AGAP1: variants seen among roughly 807,000 people sequenced by gnomAD.
The protein encoded by AGAP1 is arf-GAP with GTPase, ANK repeat and PH domain-containing protein 1.
A neutral mutation model predicts 105.3 loss-of-function variants in AGAP1; 29 were observed. The observed-to-expected ratio is 0.28, with a 90% CI of 0.21 to 0.38. The LOEUF is 0.38. Among genes scored for constraint, AGAP1 ranks in the 10% least tolerant of loss-of-function variants. AGAP1 has a pLI of 1.00. For synonymous variants in AGAP1, 509 were observed against 485.9 expected (o/e 1.05, Z -0.63); for missense variants, 998 against 1,165.1 (o/e 0.86, Z 2.09).
At chr2:235,952,554 T>G (rs985292935) in intron 12 of AGAP1, among the ~76,000 whole-genome samples, 2 of 152,164 alleles carry the variant, frequency 1.3e-5, no homozygotes, top group Admixed American at 1.3e-4. Flanking sequence ...CAGTATAGAA[T>G]TAGGATTGGA....
chr2:235,836,320 A>G (rs1222849557), intron 9 of AGAP1, among the ~76,000 whole-genome samples: 4 of 152,212 alleles, frequency 2.6e-5, no homozygotes, highest in African/African-American at 9.6e-5. Flanking sequence ...TAATACTCAA[A>G]TTAGAGCACT....
intron 1 of AGAP1, among the ~76,000 whole-genome samples, chr2:235,682,467 C>G (rs1046758260): frequency 6.6e-6 from 1 of 151,944 alleles, no homozygotes; most frequent in African/African-American, 2.4e-5. Context: ...CTCAGCCTCT[C>G]GAGTAGCTGG....
intron 1 of AGAP1, among the ~76,000 whole-genome samples, chr2:235,658,238 CCTT>C (rs1326243925): frequency 8.5e-5 from 13 of 152,202 alleles, no homozygotes; most frequent in African/African-American, 2.9e-4. Flanking sequence ...TTTGTGCATA[CCTT>C]CTTCTATTAG....
At position 235,789,092 on chromosome 2, in the gene AGAP1, G is replaced by A. The variant is rs914521561; in HGVS notation, c.674-8667G>A. Reference sequence around the variant, plus strand: ...GGAAGGGATGTGTGTTTCCTGCAGCGTGATTTGAAGTCCCCTTTACCACAA... The same window carrying A: ...GGAAGGGATGTGTGTTTCCTGCAGCATGATTTGAAGTCCCCTTTACCACAA... On this transcript the variant is annotated intron_variant, in intron 6 of 17. Transcript: ENST00000304032. This position sits in a 1 kb window ranked among gnomAD's most constrained non-coding sequence, Gnocchi z 4.2. Among the ~76,000 whole-genome samples the A allele has an allele frequency of 2.0e-5, 3 of 152,324 alleles. No individual in the cohort carries two copies. Among genetic ancestry groups the A allele is most frequent in the East Asian group, 1.9e-4 (1 of 5,186 alleles).
At chr2:236,043,024 G>A (rs2057601287) in intron 15 of AGAP1, among the ~76,000 whole-genome samples, 2 of 152,210 alleles carry the variant, frequency 1.3e-5, no homozygotes, top group South Asian at 4.1e-4. Flanking sequence ...AAGTCCCAAA[G>A]CAGGATTCAA....
At chr2:235,978,622 CTG>C (rs1387439312) in intron 13 of AGAP1, among the ~76,000 whole-genome samples, 1 of 152,168 alleles carries the variant, frequency 6.6e-6, no homozygotes, top group African/African-American at 2.4e-5. Flanking sequence ...ACTTGGAAGT[CTG>C]TATTTTGCTT....
In AGAP1 at chr2:235,702,010, C is replaced by T. The variant is rs148382592; in HGVS notation, c.164-7169C>T. ...ACGTTTAAGGTTTTCAAAGAAAATT[C>T]CCAATTTCTGAGATAATATGTTGTT... On this transcript the variant is annotated intron_variant, in intron 1 of 17. Coordinates refer to ENST00000304032, the MANE Select transcript of AGAP1 (RefSeq NM_001037131.3). Among the ~76,000 whole-genome samples the T allele has an allele frequency of 4.6e-3, 702 of 152,232 alleles. 6 individuals are homozygous for T. The highest frequency in any genetic ancestry group is 0.016 in the African/African-American group (656 of 41,536).
rs1158409810 is a variant in AGAP1 at position 235,842,038 on chromosome 2, G to A, written c.1050+34707G>A. The stretch of plus-strand genomic sequence containing the variant: ...CGCTGGGATACTAAGGTTTTCACCT[G>A]CTGCTTCCTGCGGGATGTCGCTCAT... On this transcript the variant is annotated intron_variant, in intron 9 of 17. Coordinates refer to ENST00000304032, the MANE Select transcript of AGAP1 (RefSeq NM_001037131.3). This position sits in a 1 kb window ranked among gnomAD's most constrained non-coding sequence, Gnocchi z 5.3. 2.0e-5 allele frequency among the ~76,000 whole-genome samples: 3 copies of A among 152,188 alleles called. No homozygotes were observed. The East Asian group carries it at 5.8e-4, about 29-fold the overall frequency.
chr2:235,538,449 G>T (rs886727170), intron 1 of AGAP1, among the ~76,000 whole-genome samples: 9 of 151,032 alleles, frequency 6.0e-5, no homozygotes, highest in Non-Finnish European at 1.3e-4. Context: ...GTGTGTGTGT[G>T]TGTGTGTGTG....
chr2:235,657,594 C>CCCT (rs1947814958), intron 1 of AGAP1, among the ~76,000 whole-genome samples: 1 of 152,152 alleles, frequency 6.6e-6, no homozygotes, highest in Non-Finnish European at 1.5e-5. Context: ...GTTGGCCAGG[C>CCCT]TGGTCTCGAA....
chr2:235,740,990 T>G lies in AGAP1; in HGVS notation c.338T>G (p.Val113Gly). ...GGCAGGTTCAAGAAAGAGATTGTCG[T>G]TGATGGACAGAGCTATCTGCTGCTG... ...EGGRFKKEIVVDGQSYLLLIR... is the reference protein window; with the variant it reads ...EGGRFKKEIVGDGQSYLLLIR... The change falls in exon 4 of 18, where the codon GTT becomes GGT. Residue 113 changes from valine (V) to glycine (G), a missense_variant. Coordinates refer to ENST00000304032, the MANE Select transcript of AGAP1 (RefSeq NM_001037131.3). This position sits in a 1 kb window ranked among gnomAD's most constrained non-coding sequence, Gnocchi z 5.7. 4.3e-6 allele frequency: 7 copies of G among 1,614,214 alleles called. No homozygotes were observed. Among genetic ancestry groups the G allele is most frequent in the Non-Finnish European group, 5.1e-6 (6 of 1,180,016 alleles).
chr2:235,913,240 C>T (rs2051705608), intron 11 of AGAP1, among the ~76,000 whole-genome samples: 1 of 151,546 alleles, frequency 6.6e-6, no homozygotes, highest in South Asian at 2.1e-4. Flanking sequence ...TTGTTTTTTT[C>T]CCTTAAAAAA....
chr2:235,688,588 C>G (rs1262330675), intron 1 of AGAP1, among the ~76,000 whole-genome samples: 1 of 152,188 alleles, frequency 6.6e-6, no homozygotes, highest in African/African-American at 2.4e-5. Context: ...AGAATCTGTT[C>G]TATCCCACAT....
chr2:236,003,736 G>A lies in AGAP1; in HGVS notation c.1646-32825G>A, dbSNP rs1226364706. On this transcript the variant is annotated intron_variant, in intron 13 of 17. Transcript: ENST00000304032. This position sits in a 1 kb window ranked among gnomAD's most constrained non-coding sequence, Gnocchi z 4.2. Reference sequence around the variant, plus strand: ...TCAGTCATTAACCCCACTGAAACCTGACAAGGCCTGTGTGCAGCTCACTGT... The same window carrying A: ...TCAGTCATTAACCCCACTGAAACCTAACAAGGCCTGTGTGCAGCTCACTGT... Among the ~76,000 whole-genome samples the A allele has an allele frequency of 6.6e-6, 1 of 151,726 alleles. No homozygotes were observed. The highest frequency in any genetic ancestry group is 1.5e-5 in the Non-Finnish European group (1 of 67,976).
chr2:235,626,596 T>G (rs956303142), intron 1 of AGAP1, among the ~76,000 whole-genome samples: 1 of 152,282 alleles, frequency 6.6e-6, no homozygotes, highest in African/African-American at 2.4e-5. Flanking sequence ...TTTACATTTT[T>G]TCTTAAATAT....
chr2:235,709,756 C>G (rs1233437600), intron 2 of AGAP1, among the ~76,000 whole-genome samples: 2 of 152,168 alleles, frequency 1.3e-5, no homozygotes, highest in Non-Finnish European at 1.5e-5. Context: ...ACGAACCTTA[C>G]CCTTTCGGTG....
At chr2:235,818,093 C>T (rs1191564476) in intron 9 of AGAP1, among the ~76,000 whole-genome samples, 1 of 152,238 alleles carries the variant, frequency 6.6e-6, no homozygotes, top group African/African-American at 2.4e-5. Flanking sequence ...CCTAACCTTT[C>T]CTTCTGCTTA....
chr2:235,738,716 C>T (rs1210747110), intron 3 of AGAP1, among the ~76,000 whole-genome samples: 1 of 152,022 alleles, frequency 6.6e-6, no homozygotes, highest in African/African-American at 2.4e-5. Context: ...CACCACCACA[C>T]CTGGCTAATT....
Position 235,717,638 on chromosome 2 carries a change from C to G in AGAP1, c.304C>G (p.Pro102Ala), listed in dbSNP as rs750620837. ...LTGTYVQEES[P>A]EGGRFKKEIV... ...GGGCACATATGTCCAGGAGGAGTCT[C>G]CGGAAGGTATGCTGTTTGGCAGGCA... Residue 102 changes from proline to alanine, a missense_variant, in exon 3 of 18, where the codon CCG becomes GCG. By Grantham distance (27) the Pro-to-Ala change is conservative. This residue lies in a region of AGAP1 where 735 missense variants were observed against 833.4 expected (regional missense o/e 0.88). Coordinates refer to ENST00000304032, the MANE Select transcript of AGAP1 (RefSeq NM_001037131.3). 2 of 1,600,656 alleles carry G rather than the reference C, an allele frequency of 1.2e-6. No individual in the cohort carries two copies. Among genetic ancestry groups the G allele is most frequent in the Non-Finnish European group, 1.7e-6 (2 of 1,177,042 alleles).
Sources: gnomAD v4.1 joint callset for allele counts (sites outside exome capture counted in the v4.1 genomes callset) on GRCh38, gnomAD v4.1.1 for gene constraint, gnomAD v4.1.1 regional missense constraint, Gnocchi (gnomAD v3.1) non-coding constraint, MANE v1.5 for transcripts, NCBI Gene and HGNC (gene_info 2026-07-23, HGNC 2026-07-21) for gene names.